PRELID2: variants seen among roughly 807,000 people sequenced by gnomAD.
The protein encoded by PRELID2 is PRELI domain containing 2, also known as PRELI domain-containing protein 2.
A neutral mutation model predicts 28.4 loss-of-function variants in PRELID2; 25 were observed. The observed-to-expected ratio is 0.88, with a 90% confidence interval of 0.64 to 1.23. The LOEUF is 1.23. Ranked by LOEUF, PRELID2 falls within the 50% of genes most tolerant of loss-of-function variation. PRELID2 has a pLI of 0.00. For synonymous variants in PRELID2, 76 were observed against 71.6 expected (o/e 1.06, Z -0.31); for missense variants, 201 against 214.4 (o/e 0.94, Z 0.39).
chr5:145,697,200 T>A (rs1755298964), intron 1 of PRELID2, among the ~76,000 whole-genome samples: 2 of 151,282 alleles, frequency 1.3e-5, no homozygotes, highest in Non-Finnish European at 2.9e-5. Flanking sequence ...TTGACTGGTA[T>A]GGTATACATA....
chr5:145,346,923 G>A, the PRELID2 span, among the ~76,000 whole-genome samples: 725 of 152,224 alleles, frequency 4.8e-3, 7 homozygotes, highest in African/African-American at 0.017. Context: ...CCTAGACTAT[G>A]GTCTTAAACA....
Position 145,713,085 on chromosome 5 carries a change from T to A in PRELID2, n.70+51846A>T, listed in dbSNP as rs188693676. On this transcript the variant is annotated intron_variant and non_coding_transcript_variant, in intron 1 of 2. Coordinates refer to the PRELID2 transcript ENST00000510259. ...GGACAATATTAGATTAACAAACATA[T>A]AACTGGAGTTCCAGACAGAGAGAAT... Among the ~76,000 whole-genome samples the A allele has an allele frequency of 5.4e-3, 816 of 151,820 alleles. 4 individuals are homozygous for A. Among genetic ancestry groups the A allele is most frequent in the Non-Finnish European group, 8.0e-3 (543 of 67,878 alleles).
the PRELID2 span, among the ~76,000 whole-genome samples, chr5:145,268,933 G>A: frequency 6.6e-6 from 1 of 151,980 alleles, no homozygotes; most frequent in South Asian, 2.1e-4. Context: ...TATTGTTTGT[G>A]ATATTATCCA....
At chr5:145,345,886 C>T in the PRELID2 span, among the ~76,000 whole-genome samples, 1 of 147,572 alleles carries the variant, frequency 6.8e-6, no homozygotes. Context: ...TCACTAGAAT[C>T]ACAAATACAC....
downstream of PRELID2, among the ~76,000 whole-genome samples, chr5:145,752,210 C>T (rs569549064): frequency 6.6e-6 from 1 of 152,134 alleles, no homozygotes; most frequent in African/African-American, 2.4e-5. Flanking sequence ...CTCAAAAAAA[C>T]ATTGTTAGCA....
At chr5:145,447,076 A>T in the PRELID2 span, among the ~76,000 whole-genome samples, 4 of 150,852 alleles carry the variant, frequency 2.7e-5, no homozygotes, top group African/African-American at 9.7e-5. Flanking sequence ...TAAATAAATA[A>T]ATAAATAAAA....
the PRELID2 span, among the ~76,000 whole-genome samples, chr5:145,432,613 G>A: frequency 5.3e-5 from 8 of 151,900 alleles, no homozygotes; most frequent in African/African-American, 1.9e-4. Context: ...CTCTCTTTAG[G>A]CATAACATAG....
At chr5:145,437,164 GC>G in the PRELID2 span, 1 of 152,152 alleles carries the variant, frequency 6.6e-6, no homozygotes, top group Non-Finnish European at 1.5e-5. Flanking sequence ...CATCTCAGTG[GC>G]TGTGTAGAGA....
chr5:145,439,489 T>C, the PRELID2 span, among the ~76,000 whole-genome samples: 1 of 152,062 alleles, frequency 6.6e-6, no homozygotes, highest in Non-Finnish European at 1.5e-5. Context: ...TTACAGGAGA[T>C]TCAGATTATT....
At chr5:145,589,712 A>C (rs901528031) in intron 1 of PRELID2, among the ~76,000 whole-genome samples, 1 of 151,980 alleles carries the variant, frequency 6.6e-6, no homozygotes, top group Non-Finnish European at 1.5e-5. Context: ...CATTTTTCTA[A>C]CTGTTTTCTT....
At chr5:145,573,586 G>A (rs1386496019) in intron 1 of PRELID2, among the ~76,000 whole-genome samples, 1 of 152,106 alleles carries the variant, frequency 6.6e-6, no homozygotes, top group Non-Finnish European at 1.5e-5. Context: ...AATTATGAGT[G>A]AGAACATGCC....
At chr5:145,570,428 A>T (rs1281055659) in intron 1 of PRELID2, among the ~76,000 whole-genome samples, 3 of 152,262 alleles carry the variant, frequency 2.0e-5, no homozygotes, top group Admixed American at 6.5e-5. Flanking sequence ...ATGAAAAAAA[A>T]ATTTGCAGGA....
At chr5:145,574,850 G>C (rs1753047374) in intron 1 of PRELID2, among the ~76,000 whole-genome samples, 1 of 152,134 alleles carries the variant, frequency 6.6e-6, no homozygotes. Flanking sequence ...TAAATGCTAT[G>C]TAAGTAGCTG....
intron 1 of PRELID2, among the ~76,000 whole-genome samples, chr5:145,702,120 A>C (rs1755423096): frequency 6.6e-6 from 1 of 151,986 alleles, no homozygotes; most frequent in Non-Finnish European, 1.5e-5. Context: ...TAATATATTG[A>C]TTTATACATT....
the PRELID2 span, among the ~76,000 whole-genome samples, chr5:145,450,242 T>C: frequency 6.6e-6 from 1 of 152,162 alleles, no homozygotes; most frequent in Non-Finnish European, 1.5e-5. Flanking sequence ...CAGTCCGTTG[T>C]AAAGAATTTC....
the PRELID2 span, chr5:145,337,952 T>G: frequency 6.6e-6 from 1 of 151,922 alleles, no homozygotes; most frequent in African/African-American, 2.4e-5. Context: ...CACTTTAGAT[T>G]TATTTAATTT....
At chr5:145,364,792 A>T in the PRELID2 span, among the ~76,000 whole-genome samples, 1 of 151,970 alleles carries the variant, frequency 6.6e-6, no homozygotes, top group African/African-American at 2.4e-5. Context: ...CTGGGTGGTA[A>T]AAAGCACTGC....
intron 1 of PRELID2, among the ~76,000 whole-genome samples, chr5:145,741,832 AT>A (rs1427599001): frequency 3.4e-4 from 11 of 32,642 alleles, no homozygotes; most frequent in African/African-American, 9.6e-4. Context: ...AAATATTTAT[AT>A]AATAAATATA....
chr5:145,473,792 A>G (rs1752075711), intron 1 of PRELID2, among the ~76,000 whole-genome samples: 1 of 152,174 alleles, frequency 6.6e-6, no homozygotes, highest in Admixed American at 6.6e-5. Context: ...TCTTCAGATG[A>G]GCCTTAATTT....
Sources: gnomAD v4.1 joint callset for allele counts (sites outside exome capture counted in the v4.1 genomes callset) on GRCh38, gnomAD v4.1.1 for gene constraint, MANE v1.5 for transcripts, NCBI Gene and HGNC (gene_info 2026-07-23, HGNC 2026-07-21) for gene names.